Variants in CD226 observed in about 807,000 individuals in gnomAD.
CD226 encodes CD226 antigen.
A neutral mutation model predicts 34.9 loss-of-function variants in CD226; 24 were observed. The observed-to-expected ratio is 0.69, with a 90% confidence interval of 0.50 to 0.97. CD226 has a LOEUF of 0.97. Ranked by LOEUF, CD226 falls within the 50% of genes least tolerant of loss-of-function variation. CD226 has a pLI of 0.00. For synonymous variants in CD226, 148 were observed against 147.4 expected, an observed-to-expected ratio of 1.00 and a Z score of -0.03; for missense variants, 397 against 412.7, an observed-to-expected ratio of 0.96 and a Z score of 0.33.
At chr18:69,917,118 T>C (rs190716920) in intron 2 of CD226, among the ~76,000 whole-genome samples, 17 of 152,348 alleles carry the variant, frequency 1.1e-4, no homozygotes, top group African/African-American at 4.1e-4. Flanking sequence ...ATTCTCTATA[T>C]ACATTACATA....
chr18:69,876,772 G>A (rs376079978), intron 3 of CD226, among the ~76,000 whole-genome samples: 16 of 151,932 alleles, frequency 1.1e-4, no homozygotes, highest in African/African-American at 3.6e-4. Context: ...CAGGCTGGGG[G>A]CTCAGTCCCA....
chr18:69,927,100 C>T (rs1568197090), intron 2 of CD226, among the ~76,000 whole-genome samples: 1 of 152,044 alleles, frequency 6.6e-6, no homozygotes, highest in Non-Finnish European at 1.5e-5. Context: ...ATCATTAAGT[C>T]TTGAGAATTC....
intron 2 of CD226, among the ~76,000 whole-genome samples, chr18:69,913,235 TACC>T (rs1568189199): frequency 4.6e-5 from 7 of 151,980 alleles, no homozygotes; most frequent in Non-Finnish European, 1.5e-5. Flanking sequence ...ATCACAAGAA[TACC>T]AAGGATATCA....
At chr18:69,872,223 C>T (rs1983579514) in intron 4 of CD226, among the ~76,000 whole-genome samples, 1 of 151,996 alleles carries the variant, frequency 6.6e-6, no homozygotes, top group Admixed American at 6.6e-5. Context: ...CCCTTCCTCC[C>T]CTAAGAAGAT....
chr18:69,890,042 TC>T (rs1984796126), intron 3 of CD226, among the ~76,000 whole-genome samples: 2 of 152,210 alleles, frequency 1.3e-5, no homozygotes, highest in Non-Finnish European at 2.9e-5. Flanking sequence ...CTGTAGTTGA[TC>T]TTTTGAAAGT....
At chr18:69,902,609 C>A (rs2055201351) in intron 2 of CD226, among the ~76,000 whole-genome samples, 1 of 151,470 alleles carries the variant, frequency 6.6e-6, no homozygotes, top group Non-Finnish European at 1.5e-5. Flanking sequence ...ACTGCCCTTC[C>A]CTGTCTACTC....
At chr18:69,869,155 T>C (rs1484186480) in intron 4 of CD226, among the ~76,000 whole-genome samples, 4 of 152,188 alleles carry the variant, frequency 2.6e-5, no homozygotes, top group African/African-American at 9.7e-5. Flanking sequence ...CATTACTGGG[T>C]ATATGCCCAA....
chr18:69,901,088 G>T (rs1160050805), intron 2 of CD226, among the ~76,000 whole-genome samples: 2 of 152,054 alleles, frequency 1.3e-5, no homozygotes, highest in Admixed American at 1.3e-4. Context: ...ACTGCAAAGA[G>T]CAGAGAAACG....
At position 69,858,887 on chromosome 18, in the gene CD226, G is replaced by A. The variant is rs1361822835; in HGVS notation, c.*5427C>T. ...TGGGACTACAGGTGCGTGCCACCAG[G>A]CCTGGCTAATTTTTCTATTTTTACT... On this transcript the variant is annotated 3_prime_UTR_variant, in exon 6 of 6. Coordinates refer to ENST00000582621, the MANE Select transcript of CD226 (RefSeq NM_001303618.2). 2 of 151,436 alleles carry A rather than the reference G, an allele frequency of 1.3e-5. No homozygotes were observed. The highest frequency in any genetic ancestry group is 2.9e-5 in the Non-Finnish European group (2 of 67,906). 9.4% of individuals were successfully genotyped at this position (151,436 alleles called of 1,614,324 possible).
At chr18:69,888,790 T>C (rs1010472723) in intron 3 of CD226, among the ~76,000 whole-genome samples, 1 of 152,188 alleles carries the variant, frequency 6.6e-6, no homozygotes, top group Non-Finnish European at 1.5e-5. Flanking sequence ...GAGGTAGCAA[T>C]GTACAGTCAA....
chr18:69,861,059 CAATAT>C lies in CD226; in HGVS notation c.*3250_*3254del, dbSNP rs1322482988. 1 of 151,940 alleles carries C rather than the reference CAATAT, an allele frequency of 6.6e-6. No homozygotes were observed. The highest frequency in any genetic ancestry group is 1.5e-5 in the Non-Finnish European group (1 of 67,918). The allele number at this position is 151,940 out of a possible 1,614,324, so 9.4% of individuals were successfully genotyped here. On this transcript the variant is annotated 3_prime_UTR_variant, in exon 6 of 6. Transcript: ENST00000582621. ...TTACTTAATGCCATTCTATACAAACCAATATAACTTGGATGTTCACAATCCACGAA... is the reference window on the plus strand; with the variant it reads ...TTACTTAATGCCATTCTATACAAACCAACTTGGATGTTCACAATCCACGAA...
intron 3 of CD226, among the ~76,000 whole-genome samples, chr18:69,874,303 C>A (rs190316714): frequency 6.6e-6 from 1 of 152,168 alleles, no homozygotes; most frequent in Non-Finnish European, 1.5e-5. Flanking sequence ...GGTCAGAGAA[C>A]ATTTTATCTT....
intron 3 of CD226, among the ~76,000 whole-genome samples, chr18:69,883,762 A>C (rs1237862803): frequency 2.0e-5 from 3 of 152,374 alleles, no homozygotes; most frequent in South Asian, 4.1e-4. Context: ...ATATGTTCTT[A>C]TAACAATAGA....
At chr18:69,933,895 T>A (rs1284186810) in intron 2 of CD226, among the ~76,000 whole-genome samples, 1 of 152,254 alleles carries the variant, frequency 6.6e-6, no homozygotes, top group East Asian at 1.9e-4. Flanking sequence ...ATGTTTGCTC[T>A]TTCCAGAAAC....
In CD226 at chr18:69,922,285, G is replaced by A. The variant is rs1033024391; in HGVS notation, c.382+24449C>T. On this transcript the variant is annotated intron_variant, in intron 2 of 5. Transcript: ENST00000582621. Reference sequence around the variant, plus strand: ...TATTTGTTGAATGTCTATAATTTTCGTTTGTTTATTTTTTGAGATAGGGTC... The same window carrying A: ...TATTTGTTGAATGTCTATAATTTTCATTTGTTTATTTTTTGAGATAGGGTC... Among the ~76,000 whole-genome samples, 12 of 152,122 alleles carry A rather than the reference G, an allele frequency of 7.9e-5. No individual in the cohort carries two copies. The East Asian group carries it at 1.2e-3, about 15-fold the overall frequency.
At chr18:69,890,003 A>T (rs1202160168) in intron 3 of CD226, among the ~76,000 whole-genome samples, 2 of 152,276 alleles carry the variant, frequency 1.3e-5, no homozygotes, top group Non-Finnish European at 2.9e-5. Flanking sequence ...TATGTAAACA[A>T]GAGTTCATGA....
chr18:69,853,563 TATG>T lies in CD226; in HGVS notation c.*10748_*10750del, dbSNP rs1240055171. On this transcript the variant is annotated 3_prime_UTR_variant, in exon 6 of 6. Transcript: ENST00000582621. ...TTAAAATGAATTAATATTGAACACATATGATGAGTGAAACACCACCATGTGACT... is the reference window on the plus strand; with the variant it reads ...TTAAAATGAATTAATATTGAACACATATGAGTGAAACACCACCATGTGACT... 6.6e-6 allele frequency: 1 copy of T among 152,232 alleles called. No homozygotes were observed. The highest frequency in any genetic ancestry group is 1.5e-5 in the Non-Finnish European group (1 of 68,044). 9.4% of individuals were successfully genotyped at this position (152,232 alleles called of 1,614,324 possible). A position where few individuals can be genotyped will look rare whatever the true frequency, so the allele number is the denominator to read the frequency against.
At position 69,856,663 on chromosome 18, in the gene CD226, A is replaced by G. The variant is rs1015692207; in HGVS notation, c.*7651T>C. On this transcript the variant is annotated 3_prime_UTR_variant, in exon 6 of 6. Transcript: ENST00000582621. Reference sequence around the variant, plus strand: ...TCTGTAAGAGATATAAAGTAGAAAAATCCCAAAATATATAGAGATTAAACA... The same window carrying G: ...TCTGTAAGAGATATAAAGTAGAAAAGTCCCAAAATATATAGAGATTAAACA... The G allele has an allele frequency of 2.0e-5, 3 of 152,234 alleles. No individual in the cohort carries two copies. Among genetic ancestry groups the G allele is most frequent in the Non-Finnish European group, 2.9e-5 (2 of 68,036 alleles). The allele number at this position is 152,234 out of a possible 1,614,324, so 9.4% of individuals were successfully genotyped here.
upstream of CD226, among the ~76,000 whole-genome samples, chr18:69,950,338 C>T (rs1400935552): frequency 1.3e-5 from 2 of 152,196 alleles, no homozygotes; most frequent in Non-Finnish European, 2.9e-5. Flanking sequence ...TAACATACCA[C>T]CTGCTCTTTT....
Sources: gnomAD v4.1 joint callset for allele counts (sites outside exome capture counted in the v4.1 genomes callset) on GRCh38, gnomAD v4.1.1 for gene constraint, MANE v1.5 for transcripts, NCBI Gene and HGNC (gene_info 2026-07-23, HGNC 2026-07-21) for gene names.